The following URB1 variants were observed in gnomAD, a reference collection of about 807,000 sequenced individuals.
URB1 encodes the protein nucleolar pre-ribosomal-associated protein 1.
URB1 carries 197 observed loss-of-function variants against 242.3 expected under a neutral mutation model. The ratio of observed to expected loss-of-function variants is 0.81; its 90% CI spans 0.72 to 0.91. The LOEUF is 0.91. URB1 is among the 40% of genes least tolerant of loss of function. The pLI is 0.00. For synonymous variants in URB1, 1,153 were observed against 1,201.8 expected, an observed-to-expected ratio of 0.96 and a Z score of 0.84; for missense variants, 2,721 against 2,860.5, an observed-to-expected ratio of 0.95 and a Z score of 1.11.
chr21:32,351,864 C>T (rs2033162195), intron 19 of URB1, among the ~76,000 whole-genome samples: 1 of 152,192 alleles, frequency 6.6e-6, no homozygotes, highest in Admixed American at 6.5e-5. Flanking sequence ...AGCCAGACTG[C>T]CTGGGCCAAA....
intron 10 of URB1, 37 bp downstream of exon 10, chr21:32,366,581 A>G: frequency 6.5e-7 from 1 of 1,549,836 alleles, no homozygotes; most frequent in Non-Finnish European, 8.7e-7. Context: ...GTTTAGCTGG[A>G]GGCAGTTCCA....
At chr21:32,359,707 T>G in intron 14 of URB1, 89 bp downstream of exon 14, 1 of 1,182,254 alleles carries the variant, frequency 8.5e-7, no homozygotes, top group Non-Finnish European at 1.2e-6. Flanking sequence ...CCCGTCAGGT[T>G]CTGAGCCAAT....
intron 10 of URB1, among the ~76,000 whole-genome samples, chr21:32,366,172 C>G (rs568706416): frequency 0.025 from 3,831 of 152,284 alleles, 153 homozygotes; most frequent in African/African-American, 0.087. Flanking sequence ...ATATGTTTGC[C>G]AGGCATCTTA....
At chr21:32,385,007 A>AAAAGAAAGAAAGAAAGAAAG (rs56918578) in intron 2 of URB1, among the ~76,000 whole-genome samples, 436 of 151,014 alleles carry the variant, frequency 2.9e-3, no homozygotes, top group African/African-American at 0.01. Flanking sequence ...AAAAGAAAAG[A>AAAAGAAAGAAAGAAAGAAAG]AAAGAAAGAA....
At chr21:32,365,511 C>A (rs2033337405) in intron 10 of URB1, among the ~76,000 whole-genome samples, 1 of 151,936 alleles carries the variant, frequency 6.6e-6, no homozygotes, top group Non-Finnish European at 1.5e-5. Flanking sequence ...GGAGGTTCAT[C>A]AAACTAATCC....
intron 34 of URB1, among the ~76,000 whole-genome samples, chr21:32,321,216 C>G (rs768475516): frequency 6.6e-6 from 1 of 152,248 alleles, no homozygotes; most frequent in Non-Finnish European, 1.5e-5. Flanking sequence ...AAGCTGACTA[C>G]GCTAGAAATT....
intron 37 of URB1, 138 bp downstream of exon 37, chr21:32,317,538 C>T (rs2032706750): frequency 3.0e-6 from 4 of 1,331,714 alleles, no homozygotes; most frequent in Non-Finnish European, 4.0e-6. Context: ...CCATCCAGGG[C>T]TCCAAGATGG....
intron 24 of URB1, among the ~76,000 whole-genome samples, chr21:32,343,501 C>A (rs1181286011): frequency 6.6e-6 from 1 of 152,180 alleles, no homozygotes; most frequent in African/African-American, 2.4e-5. Flanking sequence ...TTACAGAAAT[C>A]AAAAGAGTGG....
At chr21:32,317,628 G>A in intron 37 of URB1, 48 bp downstream of exon 37, 1 of 1,542,756 alleles carries the variant, frequency 6.5e-7, no homozygotes, top group South Asian at 1.2e-5. Context: ...GACAGGGTGA[G>A]AGAGACATGT....
intron 19 of URB1, among the ~76,000 whole-genome samples, chr21:32,351,641 C>G (rs966998574): frequency 6.6e-6 from 1 of 152,168 alleles, no homozygotes; most frequent in African/African-American, 2.4e-5. Flanking sequence ...TGGAACCCGG[C>G]AGTCCAGTTT....
chr21:32,322,617 G>C, intron 32 of URB1, 33 bp from the exon 33 acceptor site: 2 of 1,499,700 alleles, frequency 1.3e-6, no homozygotes, highest in Non-Finnish European at 1.8e-6. Context: ...AGTCATGGCA[G>C]GCCCCAGCAG....
At chr21:32,371,185 G>A (rs563863055) in intron 8 of URB1, among the ~76,000 whole-genome samples, 3 of 152,260 alleles carry the variant, frequency 2.0e-5, no homozygotes, top group African/African-American at 2.4e-5. Context: ...AACAGGGAAC[G>A]ATGCAATTCA....
chr21:32,334,159 C>G lies in URB1; in HGVS notation c.4857+4G>C. The G allele has an allele frequency of 6.5e-7, 1 of 1,541,944 alleles. No individual in the cohort carries two copies. Among genetic ancestry groups the G allele is most frequent in the South Asian group, 1.2e-5 (1 of 83,174 alleles). ...GGGTAGGGACAGAACAGCAGCAGCC[C>G]AACCTCGGGGGGCAGCAGCCTCCGG... On this transcript the variant is annotated splice_donor_region_variant and intron_variant, in intron 29 of 38. Transcript: ENST00000382751.
intron 23 of URB1, among the ~76,000 whole-genome samples, chr21:32,345,024 C>T (rs2033070105): frequency 6.6e-6 from 1 of 152,172 alleles, no homozygotes; most frequent in Non-Finnish European, 1.5e-5. Flanking sequence ...TTCTCAACCT[C>T]AGTGCTACTG....
chr21:32,340,488 C>T (rs1006013388), intron 25 of URB1, among the ~76,000 whole-genome samples: 10 of 152,174 alleles, frequency 6.6e-5, no homozygotes, highest in Non-Finnish European at 1.0e-4. Flanking sequence ...TGGTGCGTGC[C>T]TGTGGACTCA....
chr21:32,373,210 C>A (rs2033424505), intron 7 of URB1, among the ~76,000 whole-genome samples: 1 of 152,064 alleles, frequency 6.6e-6, no homozygotes, highest in South Asian at 2.1e-4. Context: ...GTAGGTGAGG[C>A]TCCTAGACAT....
intron 1 of URB1, 69 bp from the exon 2 acceptor site, chr21:32,385,753 C>A: frequency 6.5e-7 from 1 of 1,529,842 alleles, no homozygotes; most frequent in Non-Finnish European, 8.8e-7. Flanking sequence ...GCCACCACTG[C>A]AACCTGCTTT....
Position 32,363,165 on chromosome 21 carries a change from G to A in URB1, c.1500C>T (p.Ala500=), listed in dbSNP as rs955606501. The A allele has an allele frequency of 1.9e-6, 3 of 1,551,594 alleles. No homozygotes were observed. Among genetic ancestry groups the A allele is most frequent in the Non-Finnish European group, 2.6e-6 (3 of 1,146,946 alleles). Residue 500 remains alanine (A), a synonymous_variant, in exon 11 of 39, where the codon GCC becomes GCT. Transcript: ENST00000382751. ...MEEFVQLFRE[A]LSKILPDLNT... ...CCAGATCAGAGCCTACCTTGCTCAG[G>A]GCTTCTCTGAAGAGCTGCACGAATT...
chr21:32,340,558 A>G (rs1366109828), intron 25 of URB1, among the ~76,000 whole-genome samples: 1 of 151,644 alleles, frequency 6.6e-6, no homozygotes, highest in Non-Finnish European at 1.5e-5. Context: ...TGCTGCAGTA[A>G]GCCGAGATCA....
Sources: allele counts gnomAD v4.1 joint callset (sites outside exome capture counted in the v4.1 genomes callset), GRCh38; gene constraint gnomAD v4.1.1; transcripts MANE v1.5; gene names NCBI Gene and HGNC (gene_info 2026-07-23, HGNC 2026-07-21).